The following AGMO variants were observed in gnomAD, a reference collection of about 807,000 sequenced individuals.
AGMO encodes the protein glyceryl-ether monooxygenase.
In AGMO, 75 loss-of-function variants were observed where a neutral mutation model predicts 60.2. The observed-to-expected ratio is 1.25, with a 90% CI of 1.03 to 1.51. The LOEUF (loss-of-function observed/expected upper bound fraction) is 1.51. Ranked by LOEUF, AGMO falls within the 40% of genes most tolerant of loss-of-function variation. The pLI, the probability that AGMO is intolerant of heterozygous loss-of-function variation, is 0.00. For missense variants in AGMO, 763 were observed against 525.5 expected, an observed-to-expected ratio of 1.45 and a Z score of -4.42; for synonymous variants, 261 against 177.1, an observed-to-expected ratio of 1.47 and a Z score of -3.76.
chr7:15,178,012 T>C, the AGMO span, among the ~76,000 whole-genome samples: 1 of 152,238 alleles, frequency 6.6e-6, no homozygotes, highest in African/African-American at 2.4e-5. Context: ...TTAATTATAT[T>C]GTTCGTTTTA....
chr7:15,141,408 C>T, the AGMO span, among the ~76,000 whole-genome samples: 1 of 152,088 alleles, frequency 6.6e-6, no homozygotes, highest in African/African-American at 2.4e-5. Flanking sequence ...AACGATGAAA[C>T]CACGTCTCTA....
At chr7:15,510,651 C>T (rs1468308498) in intron 3 of AGMO, among the ~76,000 whole-genome samples, 3 of 149,772 alleles carry the variant, frequency 2.0e-5, no homozygotes, top group African/African-American at 7.3e-5. Context: ...GTAGATGAAC[C>T]TGGAGGATAT....
Position 15,546,717 on chromosome 7 carries a change from T to C in AGMO, c.258-1794A>G, listed in dbSNP as rs369001870. Among the ~76,000 whole-genome samples, 7 of 152,314 alleles carry C rather than the reference T, an allele frequency of 4.6e-5. No individual in the cohort carries two copies. In the East Asian group the frequency reaches 1.2e-3, roughly 25 times the overall value. On this transcript the variant is annotated intron_variant, in intron 2 of 12. Coordinates refer to ENST00000342526, the MANE Select transcript of AGMO (RefSeq NM_001004320.2). ...TGTTGTGGAAACTCCAAGGAATCTA[T>C]GAAATGAACACTTAAAACCTGCCTT...
intron 12 of AGMO, among the ~76,000 whole-genome samples, chr7:15,226,305 A>C (rs1346056881): frequency 6.6e-6 from 1 of 152,100 alleles, no homozygotes; most frequent in Non-Finnish European, 1.5e-5. Flanking sequence ...TATGAGAATA[A>C]AACCAATTAG....
chr7:15,270,332 T>A (rs1783559009), intron 12 of AGMO, among the ~76,000 whole-genome samples: 1 of 152,008 alleles, frequency 6.6e-6, no homozygotes, highest in Admixed American at 6.6e-5. Context: ...TGGTATGAGA[T>A]GATATCATAT....
At chr7:15,340,476 G>A (rs944193895) in intron 12 of AGMO, among the ~76,000 whole-genome samples, 8 of 152,144 alleles carry the variant, frequency 5.3e-5, no homozygotes, top group African/African-American at 1.7e-4. Context: ...AGGCCAGGAG[G>A]CCTCGGGGGG....
chr7:15,448,610 AAT>A (rs1491263939), intron 3 of AGMO, among the ~76,000 whole-genome samples: 110 of 96,640 alleles, frequency 1.1e-3, no homozygotes, highest in African/African-American at 4.7e-3. Context: ...CATAAAGTTT[AAT>A]TTTTTTTTTT....
Position 15,276,133 on chromosome 7 carries a change from G to C in AGMO, c.1264-74774C>G, listed in dbSNP as rs189618605. Among the ~76,000 whole-genome samples, 13 of 152,208 alleles carry C rather than the reference G, an allele frequency of 8.5e-5. No homozygotes were observed. In the South Asian group the frequency reaches 2.7e-3, roughly 32 times the overall value. ...TTGCTCTATAGGATCTGTGAGCTTT[G>C]AACTTATGTAATGTCTTTTTTGTAA... On this transcript the variant is annotated intron_variant, in intron 12 of 12. Coordinates refer to ENST00000342526, the MANE Select transcript of AGMO (RefSeq NM_001004320.2).
intron 3 of AGMO, among the ~76,000 whole-genome samples, chr7:15,440,037 A>C (rs922713439): frequency 1.3e-5 from 2 of 152,210 alleles, no homozygotes; most frequent in African/African-American, 4.8e-5. Flanking sequence ...GACTCAGGCA[A>C]GTGAAAGAGA....
chr7:15,422,561 A>G (rs559492441), intron 4 of AGMO, among the ~76,000 whole-genome samples: 1 of 152,120 alleles, frequency 6.6e-6, no homozygotes, highest in Non-Finnish European at 1.5e-5. Flanking sequence ...TGAAAAAAAT[A>G]AAAAAACCCT....
intron 3 of AGMO, among the ~76,000 whole-genome samples, chr7:15,472,835 A>G (rs1782485492): frequency 6.6e-6 from 1 of 151,866 alleles, no homozygotes; most frequent in Admixed American, 6.6e-5. Context: ...GAATTATCCC[A>G]TCATATTCAA....
chr7:15,307,926 T>C (rs112495500), intron 12 of AGMO, among the ~76,000 whole-genome samples: 1,940 of 152,180 alleles, frequency 0.013, 51 homozygotes, highest in African/African-American at 0.044. Flanking sequence ...TTTTATTTTA[T>C]GTCTCTCTCT....
the AGMO span, among the ~76,000 whole-genome samples, chr7:15,168,767 T>A: frequency 1.3e-5 from 2 of 152,094 alleles, no homozygotes; most frequent in African/African-American, 4.8e-5. Flanking sequence ...TTTTGGGGTG[T>A]CAAAACATAT....
chr7:15,459,058 G>T (rs1782068323), intron 3 of AGMO, among the ~76,000 whole-genome samples: 1 of 152,050 alleles, frequency 6.6e-6, no homozygotes, highest in Non-Finnish European at 1.5e-5. Flanking sequence ...CTGCAATACT[G>T]CCCACATACA....
intron 12 of AGMO, among the ~76,000 whole-genome samples, chr7:15,273,370 T>C (rs1011933790): frequency 6.6e-6 from 1 of 152,202 alleles, no homozygotes; most frequent in South Asian, 2.1e-4. Context: ...CCCAGCACCA[T>C]TTATTAAATA....
chr7:15,379,707 T>C (rs1355036393), intron 10 of AGMO, among the ~76,000 whole-genome samples: 1 of 151,730 alleles, frequency 6.6e-6, no homozygotes, highest in African/African-American at 2.4e-5. Flanking sequence ...CTACTGAAAC[T>C]ATTCCAAAAA....
the AGMO span, among the ~76,000 whole-genome samples, chr7:15,185,996 T>C: frequency 6.6e-6 from 1 of 152,204 alleles, no homozygotes; most frequent in Non-Finnish European, 1.5e-5. Flanking sequence ...GGGCAAGATG[T>C]CTAGTTACAA....
the AGMO span, among the ~76,000 whole-genome samples, chr7:15,190,096 TA>T: frequency 0.043 from 48 of 1,108 alleles, no homozygotes; most frequent in Non-Finnish European, 0.071. Flanking sequence ...TATATATATT[TA>T]TATATATATA....
chr7:15,500,587 T>G (rs186837000), intron 3 of AGMO, among the ~76,000 whole-genome samples: 1 of 151,828 alleles, frequency 6.6e-6, no homozygotes, highest in African/African-American at 2.4e-5. Flanking sequence ...CTTTACCAAT[T>G]TCCCAGGAAA....
Sources: gnomAD v4.1 joint callset for allele counts (sites outside exome capture counted in the v4.1 genomes callset) on GRCh38, gnomAD v4.1.1 for gene constraint, MANE v1.5 for transcripts, NCBI Gene and HGNC (gene_info 2026-07-23, HGNC 2026-07-21) for gene names.